Variants in PTPRQ observed in about 807,000 individuals in gnomAD.
PTPRQ encodes protein tyrosine phosphatase receptor type Q, also known as phosphatidylinositol phosphatase PTPRQ.
Under a neutral mutation model 246.0 loss-of-function variants are expected in PTPRQ, and 199 were observed. That is an observed-to-expected ratio of 0.81 (90% CI 0.72 to 0.91). The LOEUF (loss-of-function observed/expected upper bound fraction) is 0.91, where lower values mean the gene tolerates loss of function less well. Ranked by LOEUF, PTPRQ falls within the 40% of genes least tolerant of loss-of-function variation. PTPRQ has a pLI of 0.00. For synonymous variants in PTPRQ, 869 were observed against 853.2 expected (o/e 1.02, Z -0.32); for missense variants, 2,624 against 2,528.4 (o/e 1.04, Z -0.81).
rs574550500 is a variant in PTPRQ at position 80,494,100 on chromosome 12, G to T, written c.1540+645G>T. On this transcript the variant is annotated intron_variant, in intron 10 of 44. Coordinates refer to ENST00000644991, the MANE Select transcript of PTPRQ (RefSeq NM_001145026.2). ...ACTTGTCCCATTCAAAATTAAAAGTGTTATTCTATTTATGGTAGAATTAGT... is the reference window on the plus strand; with the variant it reads ...ACTTGTCCCATTCAAAATTAAAAGTTTTATTCTATTTATGGTAGAATTAGT... Among the ~76,000 whole-genome samples, 3 of 151,968 alleles carry T rather than the reference G, an allele frequency of 2.0e-5. No homozygotes were observed. The East Asian group carries it at 5.8e-4, about 29-fold the overall frequency.
chr12:80,626,007 A>G (rs966270378), intron 33 of PTPRQ, among the ~76,000 whole-genome samples: 1 of 152,214 alleles, frequency 6.6e-6, no homozygotes, highest in Non-Finnish European at 1.5e-5. Flanking sequence ...AAAGCTGAAC[A>G]TGATGAAATC....
chr12:80,517,967 A>T (rs1014592889), intron 17 of PTPRQ, among the ~76,000 whole-genome samples: 5 of 152,156 alleles, frequency 3.3e-5, no homozygotes, highest in Non-Finnish European at 7.4e-5. Context: ...TCTCTTCCAT[A>T]TACTGATTTC....
At chr12:80,559,966 A>C (rs1896776779) in intron 25 of PTPRQ, among the ~76,000 whole-genome samples, 1 of 152,228 alleles carries the variant, frequency 6.6e-6, no homozygotes, top group Admixed American at 6.5e-5. Context: ...GGTGAAAAAC[A>C]GTAAGCAATT....
chr12:80,499,397 T>C (rs1177312897), intron 14 of PTPRQ, among the ~76,000 whole-genome samples: 1 of 152,160 alleles, frequency 6.6e-6, no homozygotes, highest in East Asian at 1.9e-4. Context: ...TGTTTGCTAC[T>C]GTTAAACCAC....
intron 3 of PTPRQ, among the ~76,000 whole-genome samples, chr12:80,447,622 A>C (rs1425212604): frequency 6.6e-6 from 1 of 151,512 alleles, no homozygotes; most frequent in African/African-American, 2.4e-5. Context: ...GGATATGGCC[A>C]GCCAGTTTCC....
rs1025765915 is a variant in PTPRQ, at chr12:80,541,603, C to G, written c.3203C>G (p.Thr1068Ser). The change falls in exon 21 of 45, where the codon ACT (threonine) becomes AGT (serine). Residue 1068 changes from threonine (T) to serine (S), a missense_variant. Coordinates refer to ENST00000644991, the MANE Select transcript of PTPRQ (RefSeq NM_001145026.2). ...CTGACTTACGAATCCATTTCGTCAA[C>G]TGCAATAAATGTAAGCTGGGTCCCA... Reference protein sequence around the residue: ...GNLTYESISSTAINVSWVPPA... With the variant: ...GNLTYESISSSAINVSWVPPA... 7.1e-6 allele frequency: 11 copies of G among 1,540,662 alleles called. No homozygotes were observed. The highest frequency in any genetic ancestry group is 9.6e-6 in the Non-Finnish European group (11 of 1,141,550).
chr12:80,514,624 A>AT (rs11421367), intron 17 of PTPRQ, among the ~76,000 whole-genome samples: 125,603 of 142,272 alleles, frequency 0.88, 56,068 homozygotes, highest in Non-Finnish European at 0.93. Flanking sequence ...TATTATACAA[A>AT]TTTTTAAATA....
At chr12:80,531,661 A>G (rs1191370194) in intron 17 of PTPRQ, among the ~76,000 whole-genome samples, 1 of 152,192 alleles carries the variant, frequency 6.6e-6, no homozygotes, top group Non-Finnish European at 1.5e-5. Flanking sequence ...TTTAGTTATC[A>G]GTTTTATAGC....
intron 26 of PTPRQ, among the ~76,000 whole-genome samples, chr12:80,598,852 G>A (rs1383888767): frequency 6.6e-6 from 1 of 151,856 alleles, no homozygotes; most frequent in African/African-American, 2.4e-5. Flanking sequence ...TATTCTTTTA[G>A]GAAAGTGATC....
intron 17 of PTPRQ, among the ~76,000 whole-genome samples, chr12:80,522,189 T>C (rs1203212883): frequency 2.0e-5 from 3 of 152,186 alleles, no homozygotes; most frequent in African/African-American, 4.8e-5. Flanking sequence ...ATAAGAATGC[T>C]TGTGATTTTT....
chr12:80,622,238 A>G (rs954498375), intron 33 of PTPRQ, 104 bp downstream of exon 33: 1 of 988,782 alleles, frequency 1.0e-6, no homozygotes, highest in African/African-American at 1.7e-5. Context: ...TAAAATATAA[A>G]CTCATTTAAA....
At chr12:80,547,851 A>G (rs1330688993) in intron 24 of PTPRQ, among the ~76,000 whole-genome samples, 1 of 152,016 alleles carries the variant, frequency 6.6e-6, no homozygotes. Context: ...ACAGTAAATG[A>G]CCCCTGAATA....
chr12:80,575,859 AAAAAAG>A (rs1301438894), intron 25 of PTPRQ, among the ~76,000 whole-genome samples: 44 of 148,772 alleles, frequency 3.0e-4, no homozygotes, highest in Admixed American at 6.6e-5. Flanking sequence ...AAAAAAAAAG[AAAAAAG>A]AAAAAGAAAA....
intron 3 of PTPRQ, among the ~76,000 whole-genome samples, chr12:80,453,474 GT>G (rs1415581250): frequency 6.7e-6 from 1 of 150,270 alleles, no homozygotes; most frequent in African/African-American, 2.4e-5. Context: ...TTTCTGCTCT[GT>G]TTTTTCCCCA....
At chr12:80,641,870 T>TCTCTTTCTCTCTTG (rs1805950072) in intron 35 of PTPRQ, among the ~76,000 whole-genome samples, 1 of 151,910 alleles carries the variant, frequency 6.6e-6, no homozygotes, top group South Asian at 2.1e-4. Flanking sequence ...TCTCACTCTC[T>TCTCTTTCTCTCTTG]CTCTCTCTCT....
intron 17 of PTPRQ, among the ~76,000 whole-genome samples, chr12:80,517,269 A>T (rs1414493558): frequency 6.6e-6 from 1 of 152,160 alleles, no homozygotes; most frequent in East Asian, 1.9e-4. Flanking sequence ...GGCAAAAAAA[A>T]ATCAGCAGAG....
At chr12:80,599,035 TG>T (rs1898058024) in intron 26 of PTPRQ, among the ~76,000 whole-genome samples, 1 of 152,050 alleles carries the variant, frequency 6.6e-6, no homozygotes, top group South Asian at 2.1e-4. Flanking sequence ...CAAAGTGGCA[TG>T]GATGGGGGCA....
At chr12:80,534,235 GC>G in intron 18 of PTPRQ, 60 bp downstream of exon 18, 1 of 1,377,644 alleles carries the variant, frequency 7.3e-7, no homozygotes, top group Admixed American at 3.4e-5. Flanking sequence ...AAAAAATCCT[GC>G]CCAGAAAAAT....
chr12:80,665,997 C>G (rs1005397226), intron 39 of PTPRQ, among the ~76,000 whole-genome samples: 1 of 151,944 alleles, frequency 6.6e-6, no homozygotes, highest in African/African-American at 2.4e-5. Flanking sequence ...CTATTATACA[C>G]TATTTAGTTT....
Sources: allele counts gnomAD v4.1 joint callset (sites outside exome capture counted in the v4.1 genomes callset), GRCh38; gene constraint gnomAD v4.1.1; transcripts MANE v1.5; gene names NCBI Gene and HGNC (gene_info 2026-07-23, HGNC 2026-07-21).